PPM1L: variants seen among roughly 807,000 people sequenced by gnomAD.
PPM1L encodes the protein protein phosphatase 1L.
Under a neutral mutation model 31.4 loss-of-function variants are expected in PPM1L, and 13 were observed. The ratio of observed to expected loss-of-function variants is 0.41; its 90% CI spans 0.27 to 0.66. The LOEUF is 0.66. Among genes scored for constraint, PPM1L ranks in the 30% least tolerant of loss-of-function variants. PPM1L has a pLI of 0.29. For missense variants in PPM1L, 326 were observed against 453.7 expected, an observed-to-expected ratio of 0.72 and a Z score of 2.56; for synonymous variants, 184 against 175.4, an observed-to-expected ratio of 1.05 and a Z score of -0.39.
intron 2 of PPM1L, among the ~76,000 whole-genome samples, chr3:160,992,898 G>A (rs1576767519): frequency 6.6e-6 from 1 of 152,142 alleles, no homozygotes; most frequent in African/African-American, 2.4e-5. Flanking sequence ...CTCATGGCTT[G>A]GAAGACAGAT....
Position 161,070,133 on chromosome 3 carries a change from T to C in PPM1L, c.*976T>C, listed in dbSNP as rs1392276518. 1 of 152,256 alleles carries C rather than the reference T, an allele frequency of 6.6e-6. No individual in the cohort carries two copies. The highest frequency in any genetic ancestry group is 2.4e-5 in the African/African-American group (1 of 41,438). 9.4% of individuals were successfully genotyped at this position (152,256 alleles called of 1,614,324 possible). Reference sequence around the variant, plus strand: ...GAGCTGGTGAGGTTACCACCCTGAATTGAGCTCCAGCTGCCAGTTTTTGTG... The same window carrying C: ...GAGCTGGTGAGGTTACCACCCTGAACTGAGCTCCAGCTGCCAGTTTTTGTG... On this transcript the variant is annotated 3_prime_UTR_variant, in exon 4 of 4. Coordinates refer to ENST00000498165, the MANE Select transcript of PPM1L (RefSeq NM_139245.4).
chr3:160,762,670 T>A (rs1017556560), intron 1 of PPM1L, among the ~76,000 whole-genome samples: 9 of 152,126 alleles, frequency 5.9e-5, no homozygotes, highest in Non-Finnish European at 8.8e-5. Flanking sequence ...GAACTGACAT[T>A]TAATTGTATC....
intron 1 of PPM1L, among the ~76,000 whole-genome samples, chr3:160,906,065 CA>C (rs1272032449): frequency 3.3e-5 from 5 of 151,832 alleles, no homozygotes; most frequent in Non-Finnish European, 5.9e-5. Context: ...CCTTTCTTAA[CA>C]TTATTATTAT....
In PPM1L at chr3:160,924,500, C is replaced by T. The variant is rs947888901; in HGVS notation, c.400-37236C>T. On this transcript the variant is annotated intron_variant, in intron 1 of 3. Coordinates refer to ENST00000498165, the MANE Select transcript of PPM1L (RefSeq NM_139245.4). ...ATCAAGTCTAGCTAGCCAAATCTAG[C>T]CTAATAACCAATGGGACAACTTCCA... is the stretch of plus-strand genomic sequence containing the variant. 4.6e-5 allele frequency among the ~76,000 whole-genome samples: 7 copies of T among 152,174 alleles called. No individual in the cohort carries two copies. The East Asian group carries it at 1.3e-3, about 29-fold the overall frequency.
chr3:160,916,541 T>A (rs1055329001), intron 1 of PPM1L, among the ~76,000 whole-genome samples: 4 of 152,188 alleles, frequency 2.6e-5, no homozygotes, highest in Non-Finnish European at 5.9e-5. Context: ...AAAAATATTC[T>A]TTTTGTCATC....
chr3:160,857,163 A>C (rs969814713), intron 1 of PPM1L, among the ~76,000 whole-genome samples: 2 of 152,154 alleles, frequency 1.3e-5, no homozygotes, highest in African/African-American at 2.4e-5. Flanking sequence ...AAAATACGGA[A>C]ATTTTTTTTG....
chr3:161,051,862 C>T (rs1234795011), intron 2 of PPM1L, among the ~76,000 whole-genome samples: 1 of 152,186 alleles, frequency 6.6e-6, no homozygotes, highest in African/African-American at 2.4e-5. Context: ...GGGCTTATTT[C>T]ATTCACTTCC....
chr3:160,902,655 A>C (rs1368796956), intron 1 of PPM1L, among the ~76,000 whole-genome samples: 1 of 152,194 alleles, frequency 6.6e-6, no homozygotes, highest in African/African-American at 2.4e-5. Context: ...GTTTTTCTAC[A>C]TCGACTGAAT....
chr3:160,797,968 A>G (rs1469050436), intron 1 of PPM1L, among the ~76,000 whole-genome samples: 1 of 152,178 alleles, frequency 6.6e-6, no homozygotes, highest in Non-Finnish European at 1.5e-5. Context: ...TCATGAGGTC[A>G]AGAGATGAAG....
intron 2 of PPM1L, among the ~76,000 whole-genome samples, chr3:160,994,842 G>C (rs989425317): frequency 6.6e-6 from 1 of 152,148 alleles, no homozygotes; most frequent in African/African-American, 2.4e-5. Flanking sequence ...ACAGTATAGG[G>C]AATAGGAGAG....
intron 1 of PPM1L, among the ~76,000 whole-genome samples, chr3:160,914,199 G>T (rs1171894123): frequency 6.6e-6 from 1 of 151,962 alleles, no homozygotes; most frequent in Non-Finnish European, 1.5e-5. Context: ...ATGCTTGGTG[G>T]CCATTCATAC....
At chr3:161,025,300 GC>G (rs1431933356) in intron 2 of PPM1L, among the ~76,000 whole-genome samples, 2 of 152,014 alleles carry the variant, frequency 1.3e-5, no homozygotes, top group African/African-American at 2.4e-5. Flanking sequence ...ACAGTGGCTT[GC>G]GCTTATAATC....
intron 2 of PPM1L, among the ~76,000 whole-genome samples, chr3:161,047,352 TA>T: frequency 6.6e-6 from 1 of 152,202 alleles, no homozygotes; most frequent in East Asian, 1.9e-4. Flanking sequence ...TCAAAGAGAA[TA>T]AAATACCTAG....
At chr3:161,028,360 G>T (rs920445101) in intron 2 of PPM1L, among the ~76,000 whole-genome samples, 3 of 152,120 alleles carry the variant, frequency 2.0e-5, no homozygotes, top group Non-Finnish European at 2.9e-5. Flanking sequence ...CTCAGGCTGG[G>T]AATAAAAATT....
intron 1 of PPM1L, among the ~76,000 whole-genome samples, chr3:160,764,895 C>T (rs1405869390): frequency 6.6e-6 from 1 of 152,178 alleles, no homozygotes; most frequent in African/African-American, 2.4e-5. Flanking sequence ...CCTCTAACTT[C>T]TTACCATTGT....
chr3:160,838,812 T>G (rs1713788180), intron 1 of PPM1L, among the ~76,000 whole-genome samples: 2 of 152,128 alleles, frequency 1.3e-5, no homozygotes, highest in Non-Finnish European at 2.9e-5. Flanking sequence ...TTTTCTATAT[T>G]GGAGGGTCTT....
chr3:160,970,937 C>T (rs1296778576), intron 2 of PPM1L, among the ~76,000 whole-genome samples: 1 of 151,800 alleles, frequency 6.6e-6, no homozygotes, highest in Non-Finnish European at 1.5e-5. Context: ...ACTACAGGCG[C>T]CCGCCACCTC....
chr3:160,843,648 G>A (rs1031819575), intron 1 of PPM1L, among the ~76,000 whole-genome samples: 10 of 151,336 alleles, frequency 6.6e-5, no homozygotes, highest in African/African-American at 2.2e-4. Context: ...CCCGGTGTGT[G>A]ATGTTCCCCT....
At chr3:160,808,005 GTC>G (rs1478918870) in intron 1 of PPM1L, among the ~76,000 whole-genome samples, 1 of 152,098 alleles carries the variant, frequency 6.6e-6, no homozygotes, top group Non-Finnish European at 1.5e-5. Flanking sequence ...ATTGACTACT[GTC>G]TGATCAGAAA....
Sources: gnomAD v4.1 joint callset for allele counts (sites outside exome capture counted in the v4.1 genomes callset) on GRCh38, gnomAD v4.1.1 for gene constraint, MANE v1.5 for transcripts, NCBI Gene and HGNC (gene_info 2026-07-23, HGNC 2026-07-21) for gene names.